PSTK: variants seen among roughly 807,000 people sequenced by gnomAD.
PSTK encodes the protein phosphoseryl-tRNA kinase.
Under a neutral mutation model 38.6 loss-of-function variants are expected in PSTK, and 26 were observed. That is an observed-to-expected ratio of 0.67 (90% CI 0.49 to 0.94). The LOEUF (loss-of-function observed/expected upper bound fraction) is 0.94, where lower values mean the gene tolerates loss of function less well. Ranked by LOEUF, PSTK falls within the 40% of genes least tolerant of loss-of-function variation. The pLI is 0.00. For missense variants in PSTK, 445 were observed against 436.3 expected (o/e 1.02, Z -0.18); for synonymous variants, 181 against 161.7 (o/e 1.12, Z -0.91).
chr10:122,989,191 G>A (rs1434939324), intron 5 of PSTK, among the ~76,000 whole-genome samples: 1 of 114,160 alleles, frequency 8.8e-6, no homozygotes, highest in Non-Finnish European at 1.9e-5. Flanking sequence ...GGGGCGGGGG[G>A]TGGGCGGGGT....
intron 3 of PSTK, 40 bp from the exon 4 acceptor site, chr10:122,986,260 A>G (rs1046108407): frequency 9.4e-6 from 10 of 1,069,348 alleles, no homozygotes; most frequent in African/African-American, 1.6e-5. Context: ...CAGATGTTGG[A>G]TATAAGGATC....
intron 5 of PSTK, among the ~76,000 whole-genome samples, chr10:122,989,332 A>T (rs907113428): frequency 6.6e-6 from 1 of 151,860 alleles, no homozygotes; most frequent in Non-Finnish European, 1.5e-5. Context: ...GCTCACTGCA[A>T]CCTCCACCTC....
In PSTK at chr10:122,990,297, A is replaced by C; in HGVS notation, c.1001A>C (p.Asp334Ala). The change falls in exon 6 of 6, where the codon GAC (aspartate) becomes GCC (alanine). Residue 334 changes from aspartate (D) to alanine (A), a missense_variant. By Grantham distance (126) the Asp-to-Ala change is moderately radical (BLOSUM62 -2). Coordinates refer to ENST00000406217, the MANE Select transcript of PSTK (RefSeq NM_001363531.2). ...TATCTGTGCTTTCAGCAAACCATTG[A>C]CATACCAGATGTCATTTCTTTTTTT... ...KKYLCFQQTI[D>A]IPDVISFFHY... 6.5e-7 allele frequency: 1 copy of C among 1,533,708 alleles called. No homozygotes were observed. Among genetic ancestry groups the C allele is most frequent in the Non-Finnish European group, 8.8e-7 (1 of 1,140,810 alleles).
rs547464954 is a variant in PSTK at position 122,990,122 on chromosome 10, C to G, written c.878-52C>G. On this transcript the variant is annotated intron_variant, in intron 5 of 5. Coordinates refer to ENST00000406217, the MANE Select transcript of PSTK (RefSeq NM_001363531.2). ...TTAATTTCCTAATGTCATTAGACAC[C>G]CCGGATTACTTTAATTTACACCAGT... The G allele has an allele frequency of 7.8e-5, 95 of 1,216,922 alleles. No homozygotes were observed. The Middle Eastern group carries it at 9.5e-4, about 12-fold the overall frequency. 75.4% of individuals were successfully genotyped at this position (1,216,922 alleles called of 1,614,324 possible).
chr10:122,990,136 A>T (rs1348147342), intron 5 of PSTK, 38 bp from the exon 6 acceptor site: 1 of 1,390,066 alleles, frequency 7.2e-7, no homozygotes. Context: ...GATTACTTTA[A>T]TTTACACCAG....
intron 2 of PSTK, 51 bp downstream of exon 2, chr10:122,983,075 A>G (rs1848987698): frequency 4.8e-6 from 7 of 1,461,628 alleles, no homozygotes; most frequent in Admixed American, 2.0e-5. Context: ...TTCACGTATC[A>G]AAAACACTAT....
chr10:122,981,841 C>T (rs889320396), intron 1 of PSTK: 2 of 152,202 alleles, frequency 1.3e-5, no homozygotes, highest in Admixed American at 6.5e-5. Flanking sequence ...GTTTTTTCCA[C>T]GCTTTTCCTA....
At position 122,986,744 on chromosome 10, in the gene PSTK, G is replaced by T. The variant is rs147911223; in HGVS notation, c.784-125G>T. ...TTTGGTTGGACTCTCTTGTAGGGAA[G>T]AATAACAAACAGAAAAGCCGCTTAA... On this transcript the variant is annotated intron_variant, in intron 4 of 5. Transcript: ENST00000406217. 307 of 644,424 alleles carry T rather than the reference G, an allele frequency of 4.8e-4. 5 individuals carry two copies. The East Asian group carries it at 7.0e-3, about 15-fold the overall frequency. 39.9% of individuals were successfully genotyped at this position (644,424 alleles called of 1,614,324 possible).
chr10:122,987,629 CAG>C (rs1171355182), intron 5 of PSTK: 1 of 1,349,686 alleles, frequency 7.4e-7, no homozygotes, highest in Non-Finnish European at 9.9e-7. Flanking sequence ...GAGTTTTACA[CAG>C]TAATTCCATT....
intron 4 of PSTK, 119 bp downstream of exon 4, chr10:122,986,494 C>T: frequency 4.1e-6 from 3 of 730,066 alleles, no homozygotes; most frequent in Non-Finnish European, 7.3e-6. Context: ...GGCTTGGCCT[C>T]TCACCAGCAC....
intron 2 of PSTK, 87 bp from the exon 3 acceptor site, chr10:122,983,185 A>G: frequency 7.8e-7 from 1 of 1,276,924 alleles, no homozygotes; most frequent in Middle Eastern, 2.4e-4. Context: ...TTCCTACTAT[A>G]ATTGTCATAA....
At chr10:122,989,992 C>T (rs568106823) in intron 5 of PSTK, among the ~76,000 whole-genome samples, 182 bp from the exon 6 acceptor site, 2 of 152,308 alleles carry the variant, frequency 1.3e-5, no homozygotes, top group South Asian at 2.1e-4. Context: ...AATTCTTTGA[C>T]GTGTTTCAGA....
Position 122,983,418 on chromosome 10 carries a change from T to C in PSTK, c.655T>C (p.Trp219Arg). Residue 219 changes from tryptophan to arginine, a missense_variant, in exon 3 of 6, where the codon TGG (tryptophan) becomes CGG (arginine). Coordinates refer to ENST00000406217, the MANE Select transcript of PSTK (RefSeq NM_001363531.2). ...AAAGCCCAACCCTGAGAAAAATGCT[T>C]GGGAACACAACAGCCTCACAATTCC... is the stretch of plus-strand genomic sequence containing the variant. ...LEKPNPEKNA[W>R]EHNSLTIPSP... The C allele has an allele frequency of 6.2e-7, 1 of 1,614,054 alleles. No homozygotes were observed.
chr10:122,981,371 C>T (rs1480560076), intron 1 of PSTK, among the ~76,000 whole-genome samples: 3 of 152,122 alleles, frequency 2.0e-5, no homozygotes, highest in African/African-American at 7.2e-5. Flanking sequence ...TTGTATGTTC[C>T]AAATACATCT....
chr10:122,987,619 G>A, intron 5 of PSTK: 1 of 1,410,936 alleles, frequency 7.1e-7, no homozygotes, highest in Non-Finnish European at 9.4e-7. Flanking sequence ...GTGGTAACTA[G>A]AGTTTTACAC....
At position 122,983,397 on chromosome 10, in the gene PSTK, C is replaced by A; in HGVS notation, c.634C>A (p.Pro212Thr). Residue 212 changes from proline to threonine, a missense_variant, in exon 3 of 6, where the codon CCC (proline) becomes ACC (threonine). Coordinates refer to ENST00000406217, the MANE Select transcript of PSTK (RefSeq NM_001363531.2). ...CCTGATGGGAAGAAAGCTAGAAAAG[C>A]CCAACCCTGAGAAAAATGCTTGGGA... is the stretch of plus-strand genomic sequence containing the variant. ...IHLMGRKLEK[P>T]NPEKNAWEHN... 1 of 1,614,178 alleles carries A rather than the reference C, an allele frequency of 6.2e-7. No homozygotes were observed. The highest frequency in any genetic ancestry group is 8.5e-7 in the Non-Finnish European group (1 of 1,180,032).
intron 2 of PSTK, 69 bp from the exon 3 acceptor site, chr10:122,983,203 A>G: frequency 7.4e-7 from 1 of 1,342,840 alleles, no homozygotes; most frequent in Non-Finnish European, 1.0e-6. Context: ...TAATTTGTCT[A>G]ATATATGTTT....
intron 1 of PSTK, 120 bp from the exon 2 acceptor site, chr10:122,982,613 A>G: frequency 2.7e-6 from 2 of 747,230 alleles, no homozygotes; most frequent in Non-Finnish European, 4.4e-6. Context: ...TGTGTTAGAG[A>G]ACTACAGATG....
intron 2 of PSTK, 60 bp downstream of exon 2, chr10:122,983,084 A>G (rs1056713658): frequency 1.3e-5 from 18 of 1,421,470 alleles, no homozygotes; most frequent in African/African-American, 1.0e-4. Context: ...CAAAAACACT[A>G]TTGTCTTCAA....
Sources: allele counts gnomAD v4.1 joint callset (sites outside exome capture counted in the v4.1 genomes callset), GRCh38; gene constraint gnomAD v4.1.1; transcripts MANE v1.5; gene names NCBI Gene and HGNC (gene_info 2026-07-23, HGNC 2026-07-21).